Variants in RANBP2 observed in about 807,000 individuals in gnomAD.
The protein encoded by RANBP2 is RAN binding protein 2.
A neutral mutation model predicts 303.6 loss-of-function variants in RANBP2; 57 were observed. That is an observed-to-expected ratio of 0.19 (90% CI 0.15 to 0.23). The LOEUF (loss-of-function observed/expected upper bound fraction) is 0.23. Among genes scored for constraint, RANBP2 ranks in the 10% least tolerant of loss-of-function variants. The pLI, the probability that RANBP2 is intolerant of heterozygous loss-of-function variation, is 1.00. For missense variants in RANBP2, 3,138 were observed against 3,780.8 expected (o/e 0.83, Z 4.46); for synonymous variants, 1,167 against 1,301.5 (o/e 0.90, Z 2.23).
the RANBP2 span, among the ~76,000 whole-genome samples, chr2:108,956,402 T>A: frequency 3.3e-5 from 5 of 152,210 alleles, no homozygotes; most frequent in Admixed American, 1.3e-4. Flanking sequence ...CTCCATTTGG[T>A]TTAGAATACT....
At chr2:109,116,529 T>C in the RANBP2 span, among the ~76,000 whole-genome samples, 1 of 152,180 alleles carries the variant, frequency 6.6e-6, no homozygotes, top group Non-Finnish European at 1.5e-5. Context: ...GTTATACATT[T>C]GTCTAAATTT....
the RANBP2 span, among the ~76,000 whole-genome samples, chr2:109,577,651 G>A: frequency 6.7e-6 from 1 of 150,104 alleles, no homozygotes; most frequent in African/African-American, 2.4e-5. Flanking sequence ...AGTGGCTCAC[G>A]CCTGCAATCC....
At chr2:108,971,046 T>C in the RANBP2 span, among the ~76,000 whole-genome samples, 1 of 152,008 alleles carries the variant, frequency 6.6e-6, no homozygotes, top group African/African-American at 2.4e-5. Flanking sequence ...ATGCTGGTGG[T>C]GGGGAAATCA....
chr2:109,354,363 A>G, the RANBP2 span, among the ~76,000 whole-genome samples: 3 of 152,296 alleles, frequency 2.0e-5, no homozygotes, highest in South Asian at 6.2e-4. Flanking sequence ...TATTGCTTCT[A>G]GGAAACCACT....
chr2:109,034,693 C>A, the RANBP2 span, among the ~76,000 whole-genome samples: 4 of 152,208 alleles, frequency 2.6e-5, no homozygotes, highest in Non-Finnish European at 5.9e-5. Flanking sequence ...ATAGTTTGTT[C>A]TGAGTTTTAG....
chr2:109,108,184 C>A, the RANBP2 span, among the ~76,000 whole-genome samples: 1 of 151,906 alleles, frequency 6.6e-6, no homozygotes, highest in Non-Finnish European at 1.5e-5. Context: ...GGATTACAGG[C>A]ATGAGCCAGG....
At chr2:109,261,779 A>G in the RANBP2 span, among the ~76,000 whole-genome samples, 4 of 152,186 alleles carry the variant, frequency 2.6e-5, no homozygotes, top group Non-Finnish European at 4.4e-5. Context: ...GGATTTATAC[A>G]GTGTTTGGGA....
At chr2:109,639,395 C>T in the RANBP2 span, among the ~76,000 whole-genome samples, 1 of 152,000 alleles carries the variant, frequency 6.6e-6, no homozygotes, top group Non-Finnish European at 1.5e-5. Context: ...CCAAGGTGGG[C>T]AGATCAAGAG....
chr2:108,970,784 G>T, the RANBP2 span, among the ~76,000 whole-genome samples: 1 of 152,182 alleles, frequency 6.6e-6, no homozygotes, highest in Non-Finnish European at 1.5e-5. Flanking sequence ...ACACCCTGAA[G>T]ATAAGTTCGG....
At chr2:109,251,389 C>T in the RANBP2 span, 1 of 675,620 alleles carries the variant, frequency 1.5e-6, no homozygotes, top group African/African-American at 1.8e-5. Context: ...GCATTCCTTT[C>T]CAAGGCATCT....
the RANBP2 span, chr2:108,894,894 C>CTGG: frequency 2.0e-5 from 3 of 152,134 alleles, no homozygotes; most frequent in African/African-American, 7.2e-5. Flanking sequence ...GCCAAAGCAC[C>CTGG]AGGAGCAGAG....
the RANBP2 span, among the ~76,000 whole-genome samples, chr2:109,125,488 TCCCTTA>T: frequency 6.6e-6 from 1 of 152,208 alleles, no homozygotes; most frequent in Non-Finnish European, 1.5e-5. Flanking sequence ...GGCCTCCGGA[TCCCTTA>T]CCACATCGTC....
At chr2:109,624,970 A>G in the RANBP2 span, among the ~76,000 whole-genome samples, 3 of 151,442 alleles carry the variant, frequency 2.0e-5, no homozygotes, top group Non-Finnish European at 4.4e-5. Flanking sequence ...AATCCCAGCT[A>G]CTTGGGAAGC....
the RANBP2 span, among the ~76,000 whole-genome samples, chr2:109,160,304 A>G: frequency 6.6e-6 from 1 of 152,246 alleles, no homozygotes; most frequent in Non-Finnish European, 1.5e-5. Flanking sequence ...AGAGGAGGCC[A>G]GAGAGGGCTT....
chr2:109,305,469 C>G, the RANBP2 span, among the ~76,000 whole-genome samples: 1 of 152,160 alleles, frequency 6.6e-6, no homozygotes, highest in Admixed American at 6.5e-5. Context: ...CCTGGAGGCT[C>G]AAGGAGCACC....
the RANBP2 span, among the ~76,000 whole-genome samples, chr2:109,203,108 C>T: frequency 5.9e-5 from 9 of 152,132 alleles, no homozygotes; most frequent in South Asian, 2.1e-4. Context: ...TGGCCCTGCA[C>T]GGTGCCCTGG....
At chr2:108,793,699 C>T in the RANBP2 span, among the ~76,000 whole-genome samples, 1 of 151,818 alleles carries the variant, frequency 6.6e-6, no homozygotes, top group African/African-American at 2.4e-5. Context: ...CGGATTCACG[C>T]CACTCTCCTG....
At chr2:108,991,662 A>G in the RANBP2 span, among the ~76,000 whole-genome samples, 1 of 152,208 alleles carries the variant, frequency 6.6e-6, no homozygotes, top group Admixed American at 6.5e-5. Context: ...CGCAGCAACA[A>G]AACTTCGCAA....
chr2:109,631,427 CAATT>C, the RANBP2 span, among the ~76,000 whole-genome samples: 3 of 152,128 alleles, frequency 2.0e-5, no homozygotes, highest in Admixed American at 6.6e-5. Flanking sequence ...ATATAGATAT[CAATT>C]AATAGGTTGA....
Sources: allele counts gnomAD v4.1 joint callset (sites outside exome capture counted in the v4.1 genomes callset), GRCh38; gene constraint gnomAD v4.1.1; transcripts MANE v1.5; gene names NCBI Gene and HGNC (gene_info 2026-07-23, HGNC 2026-07-21).